Variants in ARMC3 observed in about 807,000 individuals in gnomAD.
ARMC3 encodes armadillo repeat containing 3, also known as armadillo repeat-containing protein 3.
Under a neutral mutation model 90.3 loss-of-function variants are expected in ARMC3, and 74 were observed. The ratio of observed to expected loss-of-function variants is 0.82; its 90% CI spans 0.68 to 0.99. The LOEUF is 0.99. Ranked by LOEUF, ARMC3 falls within the 50% of genes least tolerant of loss-of-function variation. The pLI, the probability that ARMC3 is intolerant of heterozygous loss-of-function variation, is 0.00. For missense variants in ARMC3, 958 were observed against 1,042.8 expected, an observed-to-expected ratio of 0.92 and a Z score of 1.12; for synonymous variants, 334 against 361.8, an observed-to-expected ratio of 0.92 and a Z score of 0.87.
Position 23,014,176 on chromosome 10 carries a change from G to C in ARMC3, c.2045+5245G>C, listed in dbSNP as rs1178733833. 3.2e-6 allele frequency: 5 copies of C among 1,549,028 alleles called. No individual in the cohort carries two copies. The East Asian group carries it at 7.3e-5, about 23-fold the overall frequency. ...ATTGTTGGCATGAGGAGAACACAGA[G>C]ACTTTGGATTCAGACACAACTGGGC... On this transcript the variant is annotated intron_variant, in intron 16 of 18. Transcript: ENST00000298032.
chr10:22,955,958 C>T, intron 4 of ARMC3, 26 bp downstream of exon 4: 1 of 1,540,808 alleles, frequency 6.5e-7, no homozygotes, highest in Non-Finnish European at 8.9e-7. Flanking sequence ...TAAAAATAAT[C>T]AAATAATCCC....
chr10:23,021,773 T>C (rs561693418), intron 16 of ARMC3, among the ~76,000 whole-genome samples: 12 of 152,218 alleles, frequency 7.9e-5, no homozygotes, highest in Non-Finnish European at 1.5e-4. Context: ...TTCTGTAGGT[T>C]GCCTGTTTAC....
chr10:23,025,768 A>G (rs1363567517), intron 16 of ARMC3, among the ~76,000 whole-genome samples: 1 of 152,126 alleles, frequency 6.6e-6, no homozygotes, highest in Non-Finnish European at 1.5e-5. Context: ...AATTTAAAAC[A>G]GAAACAATAG....
At chr10:22,985,843 G>A (rs1239339581) in intron 10 of ARMC3, among the ~76,000 whole-genome samples, 1 of 152,096 alleles carries the variant, frequency 6.6e-6, no homozygotes, top group African/African-American at 2.4e-5. Context: ...GGTCATTGTA[G>A]TGACACCCTC....
At chr10:23,021,162 T>C (rs1421254428) in intron 16 of ARMC3, among the ~76,000 whole-genome samples, 2 of 152,244 alleles carry the variant, frequency 1.3e-5, no homozygotes, top group Non-Finnish European at 2.9e-5. Context: ...TTTATGGCTG[T>C]ATCGTATTCT....
chr10:23,036,529 T>C (rs893683787), intron 18 of ARMC3, among the ~76,000 whole-genome samples: 3 of 152,300 alleles, frequency 2.0e-5, no homozygotes, highest in African/African-American at 7.2e-5. Context: ...GAAAGTACTG[T>C]TGCTCCCCTC....
intron 16 of ARMC3, among the ~76,000 whole-genome samples, chr10:23,030,048 C>G (rs1438038227): frequency 6.6e-6 from 1 of 152,110 alleles, no homozygotes; most frequent in East Asian, 1.9e-4. Flanking sequence ...TGCCAGACAC[C>G]TTGCTAGGCA....
At chr10:22,928,410 CCCT>C (rs1298061007) in intron 1 of ARMC3, among the ~76,000 whole-genome samples, 2 of 152,132 alleles carry the variant, frequency 1.3e-5, no homozygotes, top group Non-Finnish European at 2.9e-5. Context: ...ATTTCTTGAG[CCCT>C]CCTCCTCTTT....
intron 1 of ARMC3, among the ~76,000 whole-genome samples, chr10:22,931,093 T>G (rs1260744261): frequency 1.3e-5 from 2 of 152,118 alleles, no homozygotes; most frequent in Non-Finnish European, 2.9e-5. Context: ...CACACCCGGC[T>G]AATTTTTGTA....
At chr10:23,019,082 C>A (rs771791187) in intron 16 of ARMC3, among the ~76,000 whole-genome samples, 1 of 152,204 alleles carries the variant, frequency 6.6e-6, no homozygotes, top group East Asian at 1.9e-4. Flanking sequence ...AGAAAGTAAG[C>A]CTTGCCAAGG....
chr10:22,984,857 A>G (rs1015002893), intron 10 of ARMC3, among the ~76,000 whole-genome samples: 1 of 151,702 alleles, frequency 6.6e-6, no homozygotes, highest in African/African-American at 2.4e-5. Flanking sequence ...AAAATCTTCT[A>G]AAATCTTTCC....
rs147325251 is a variant in ARMC3, at chr10:22,949,904, C to T, written c.166+3643C>T. Among the ~76,000 whole-genome samples, 826 of 151,924 alleles carry T rather than the reference C, an allele frequency of 5.4e-3. 8 individuals are homozygous for T. The highest frequency in any genetic ancestry group is 0.019 in the African/African-American group (767 of 41,420). On this transcript the variant is annotated intron_variant, in intron 3 of 18. Transcript: ENST00000298032. ...TACATTCAAATAAAGATAAGGATGA[C>T]AGTAGATAATAACAAATTATAAATA...
intron 8 of ARMC3, among the ~76,000 whole-genome samples, chr10:22,972,700 C>CA (rs1835728190): frequency 6.6e-6 from 1 of 152,156 alleles, no homozygotes; most frequent in African/African-American, 2.4e-5. Context: ...CGCATGTCCC[C>CA]AGGCCATCCT....
chr10:22,995,725 C>A (rs573987795), intron 10 of ARMC3, among the ~76,000 whole-genome samples: 1 of 152,298 alleles, frequency 6.6e-6, no homozygotes, highest in African/African-American at 2.4e-5. Context: ...TCCTGTATTT[C>A]CATGATCCAA....
At chr10:22,966,264 G>T (rs1306165201) in intron 7 of ARMC3, among the ~76,000 whole-genome samples, 1 of 152,182 alleles carries the variant, frequency 6.6e-6, no homozygotes, top group East Asian at 1.9e-4. Context: ...GTCAGTCTCA[G>T]GCTCTGACCT....
chr10:22,941,898 T>A (rs10764366), intron 2 of ARMC3, among the ~76,000 whole-genome samples: 1 of 152,002 alleles, frequency 6.6e-6, no homozygotes, highest in Admixed American at 6.6e-5. Context: ...AGTGAGGCCC[T>A]CTCAATTGCT....
intron 5 of ARMC3, 117 bp downstream of exon 5, chr10:22,959,255 C>T: frequency 3.0e-6 from 4 of 1,319,632 alleles, no homozygotes; most frequent in Non-Finnish European, 4.3e-6. Flanking sequence ...ATCTCTCAAA[C>T]CACAGCTCAA....
At chr10:22,959,911 G>A (rs1588845345) in intron 6 of ARMC3, 2 of 462,692 alleles carry the variant, frequency 4.3e-6, no homozygotes, top group East Asian at 1.3e-4. Context: ...AACCCTGGTG[G>A]TCTAAGCACA....
At chr10:23,022,187 C>A (rs73600598) in intron 16 of ARMC3, among the ~76,000 whole-genome samples, 3,439 of 152,194 alleles carry the variant, frequency 0.023, 125 homozygotes, top group African/African-American at 0.079. Flanking sequence ...CTATTTAGGG[C>A]TAGCATTAAT....
Sources: allele counts gnomAD v4.1 joint callset (sites outside exome capture counted in the v4.1 genomes callset), GRCh38; gene constraint gnomAD v4.1.1; transcripts MANE v1.5; gene names NCBI Gene and HGNC (gene_info 2026-07-23, HGNC 2026-07-21).